Variants in PPP3CA observed in about 807,000 individuals in gnomAD.
PPP3CA encodes protein phosphatase 3 catalytic subunit alpha, also known as CAM-PRP catalytic subunit.
PPP3CA carries 14 observed loss-of-function variants against 66.5 expected under a neutral mutation model. That is an observed-to-expected ratio of 0.21 (90% CI 0.14 to 0.33). The LOEUF is 0.33. Ranked by LOEUF, PPP3CA falls within the 10% of genes least tolerant of loss-of-function variation. The pLI is 1.00. For synonymous variants in PPP3CA, 232 were observed against 226.2 expected (o/e 1.03, Z -0.23); for missense variants, 317 against 639.5 (o/e 0.50, Z 5.44).
At chr4:101,273,890 A>G (rs1001251049) in intron 1 of PPP3CA, among the ~76,000 whole-genome samples, 1 of 152,200 alleles carries the variant, frequency 6.6e-6, no homozygotes, top group Non-Finnish European at 1.5e-5. Context: ...GCCAAGAAGC[A>G]ATAGCAATTG....
At chr4:101,086,410 A>G (rs2110243474) in intron 6 of PPP3CA, among the ~76,000 whole-genome samples, 1 of 152,318 alleles carries the variant, frequency 6.6e-6, no homozygotes, top group East Asian at 1.9e-4. Flanking sequence ...GCAAACAGTT[A>G]CTATTAGATT....
chr4:101,073,170 G>A (rs1457261001), intron 8 of PPP3CA, among the ~76,000 whole-genome samples: 1 of 150,418 alleles, frequency 6.6e-6, no homozygotes, highest in Admixed American at 6.6e-5. Flanking sequence ...CCTACCCTTG[G>A]GTTCTCTTCA....
chr4:101,299,120 T>TG (rs1050497970), intron 1 of PPP3CA, among the ~76,000 whole-genome samples: 2 of 145,496 alleles, frequency 1.4e-5, no homozygotes, highest in African/African-American at 5.1e-5. Flanking sequence ...TTTTTTTTTT[T>TG]TTTTTTTTTT....
chr4:101,139,987 C>T (rs113496555), intron 2 of PPP3CA, among the ~76,000 whole-genome samples: 6,036 of 151,960 alleles, frequency 0.04, 201 homozygotes, highest in Middle Eastern at 0.11. Context: ...ACAATTTTAG[C>T]TGTTGGTAAC....
chr4:101,288,734 A>C (rs188983769), intron 1 of PPP3CA, among the ~76,000 whole-genome samples: 2 of 152,308 alleles, frequency 1.3e-5, no homozygotes, highest in Admixed American at 1.3e-4. Context: ...TATTTAAAAA[A>C]AAATAAAGGA....
chr4:101,264,589 A>G (rs1046489755), intron 1 of PPP3CA, among the ~76,000 whole-genome samples: 7 of 152,226 alleles, frequency 4.6e-5, no homozygotes, highest in African/African-American at 1.4e-4. Flanking sequence ...TGCAAAATGT[A>G]CAAATGCACA....
At chr4:101,033,295 C>CACACACACACAA (rs1560571230) in intron 11 of PPP3CA, among the ~76,000 whole-genome samples, 2 of 34,946 alleles carry the variant, frequency 5.7e-5, no homozygotes, top group Non-Finnish European at 1.2e-4. Context: ...CACACACAAA[C>CACACACACACAA]ACACACACAC....
intron 2 of PPP3CA, among the ~76,000 whole-genome samples, chr4:101,120,124 T>G (rs960310921): frequency 1.3e-5 from 2 of 152,108 alleles, no homozygotes; most frequent in Admixed American, 6.6e-5. Context: ...GACTAGATTT[T>G]AAAAATCTAT....
chr4:101,279,112 T>A (rs1679382783), intron 1 of PPP3CA, among the ~76,000 whole-genome samples: 1 of 152,062 alleles, frequency 6.6e-6, no homozygotes, highest in Admixed American at 6.6e-5. Context: ...AGGACAATGT[T>A]CTAAAGTCAA....
chr4:101,085,149 G>C (rs1378827638), intron 6 of PPP3CA, among the ~76,000 whole-genome samples: 3 of 152,180 alleles, frequency 2.0e-5, no homozygotes, highest in South Asian at 2.1e-4. Flanking sequence ...CCAGCTAAGG[G>C]GCACAGAATA....
intron 2 of PPP3CA, among the ~76,000 whole-genome samples, chr4:101,176,444 G>A (rs1295663508): frequency 6.6e-6 from 1 of 152,164 alleles, no homozygotes; most frequent in Non-Finnish European, 1.5e-5. Context: ...ATCCACAAGA[G>A]CATCTAGAAG....
At chr4:101,249,156 G>A (rs559022503) in intron 1 of PPP3CA, among the ~76,000 whole-genome samples, 1 of 119,754 alleles carries the variant, frequency 8.4e-6, no homozygotes, top group African/African-American at 3.5e-5. Context: ...GACAGAGCGA[G>A]ACTCTGTCTC....
chr4:101,118,520 T>C (rs1448970859), intron 2 of PPP3CA, among the ~76,000 whole-genome samples: 2 of 152,038 alleles, frequency 1.3e-5, no homozygotes, highest in African/African-American at 4.8e-5. Context: ...TCTTCTTCAC[T>C]CAGATTTTTT....
intron 1 of PPP3CA, among the ~76,000 whole-genome samples, chr4:101,238,306 C>T (rs1726191719): frequency 6.6e-6 from 1 of 151,646 alleles, no homozygotes; most frequent in South Asian, 2.1e-4. Context: ...GATTTAATAC[C>T]TTGTCCTTCA....
chr4:101,132,378 G>C (rs1722473109), intron 2 of PPP3CA, among the ~76,000 whole-genome samples: 1 of 151,996 alleles, frequency 6.6e-6, no homozygotes, highest in African/African-American at 2.4e-5. Flanking sequence ...ATAAAAGAGA[G>C]ATGAATCAAA....
intron 2 of PPP3CA, among the ~76,000 whole-genome samples, chr4:101,141,144 T>A (rs1578487844): frequency 6.6e-6 from 1 of 151,910 alleles, no homozygotes; most frequent in African/African-American, 2.4e-5. Context: ...CCGAGGTGGG[T>A]GGATCACTTG....
rs577113141 is a variant in PPP3CA at position 101,267,523 on chromosome 4, T to C, written c.59-71407A>G. Reference sequence around the variant, plus strand: ...CTACGACTCCTGCTTTTGAGGGCTATAAGCATAAAGTTTAATAATGGAAGT... The same window carrying C: ...CTACGACTCCTGCTTTTGAGGGCTACAAGCATAAAGTTTAATAATGGAAGT... On this transcript the variant is annotated intron_variant, in intron 1 of 13. Coordinates refer to ENST00000394854, the MANE Select transcript of PPP3CA (RefSeq NM_000944.5). Among the ~76,000 whole-genome samples the C allele has an allele frequency of 3.9e-5, 6 of 152,252 alleles. No homozygotes were observed. The South Asian group carries it at 1.0e-3, about 26-fold the overall frequency.
intron 1 of PPP3CA, among the ~76,000 whole-genome samples, chr4:101,299,294 C>T (rs576619310): frequency 1.3e-4 from 19 of 151,458 alleles, no homozygotes; most frequent in Middle Eastern, 3.4e-3. Flanking sequence ...CTTGAGGACC[C>T]CATTAGTCCT....
intron 1 of PPP3CA, among the ~76,000 whole-genome samples, chr4:101,259,099 T>C (rs1346198067): frequency 6.6e-6 from 1 of 152,148 alleles, no homozygotes; most frequent in Non-Finnish European, 1.5e-5. Flanking sequence ...CTGCAAGCAC[T>C]TCCTTCTCTT....
Sources: allele counts gnomAD v4.1 joint callset (sites outside exome capture counted in the v4.1 genomes callset), GRCh38; gene constraint gnomAD v4.1.1; transcripts MANE v1.5; gene names NCBI Gene and HGNC (gene_info 2026-07-23, HGNC 2026-07-21).